The following FLRT2 variants were observed in gnomAD, a reference collection of about 807,000 sequenced individuals.
FLRT2 encodes fibronectin leucine rich transmembrane protein 2.
In FLRT2, 15 loss-of-function variants were observed where a neutral mutation model predicts 40.0. That is an observed-to-expected ratio of 0.38 (90% confidence interval 0.25 to 0.58). The LOEUF (loss-of-function observed/expected upper bound fraction) is 0.58, where lower values mean the gene tolerates loss of function less well. Among genes scored for constraint, FLRT2 ranks in the 20% least tolerant of loss-of-function variants. The pLI is 0.71. For missense variants in FLRT2, 726 were observed against 840.0 expected (o/e 0.86, Z 1.68); for synonymous variants, 380 against 336.8 (o/e 1.13, Z -1.41).
intron 1 of FLRT2, among the ~76,000 whole-genome samples, chr14:85,606,102 A>AT (rs1892599589): frequency 6.6e-6 from 1 of 152,190 alleles, no homozygotes; most frequent in Admixed American, 6.5e-5. Context: ...AATATTGCCC[A>AT]ACCAAATATT....
At chr14:85,590,131 A>G (rs886105973) in intron 1 of FLRT2, among the ~76,000 whole-genome samples, 2 of 151,446 alleles carry the variant, frequency 1.3e-5, no homozygotes, top group East Asian at 1.9e-4. Context: ...GCTGTGCATC[A>G]TATGGGATTT....
At chr14:85,546,495 G>A (rs952114535) in intron 1 of FLRT2, among the ~76,000 whole-genome samples, 1 of 152,130 alleles carries the variant, frequency 6.6e-6, no homozygotes, top group African/African-American at 2.4e-5. Flanking sequence ...TAGGTGAATG[G>A]CTCCACAGGC....
At chr14:85,530,773 G>T (rs1436020943) in intron 1 of FLRT2, among the ~76,000 whole-genome samples, 1 of 152,078 alleles carries the variant, frequency 6.6e-6, no homozygotes, top group African/African-American at 2.4e-5. Context: ...GGAGCATCAT[G>T]ACTGAGTTCT....
intron 1 of FLRT2, among the ~76,000 whole-genome samples, chr14:85,567,948 T>C (rs1427214965): frequency 6.6e-6 from 1 of 152,024 alleles, no homozygotes; most frequent in Non-Finnish European, 1.5e-5. Context: ...TGATTTTTAT[T>C]TTTTTCTATA....
chr14:85,623,278 T>C lies in FLRT2; in HGVS notation c.1764T>C (p.Tyr588=), dbSNP rs758136798. Residue 588 remains tyrosine, a synonymous_variant, in exon 2 of 2, where the codon TAT becomes TAC. Coordinates refer to ENST00000330753, the MANE Select transcript of FLRT2 (RefSeq NM_013231.6). Reference sequence around the variant, plus strand: ...ACCGGGGCCGGCGGAAAGATGATTATTGCGAGGCAGGCACCAAGAAGGACA... The same window carrying C: ...ACCGGGGCCGGCGGAAAGATGATTACTGCGAGGCAGGCACCAAGAAGGACA... The part of the protein sequence containing the change: ...KYNRGRRKDD[Y]CEAGTKKDNS... 4.6e-6 allele frequency: 7 copies of C among 1,517,004 alleles called. No homozygotes were observed. In the Admixed American group the frequency reaches 9.1e-5, roughly 20 times the overall value. The allele number at this position is 1,517,004 out of a possible 1,614,324, so 94.0% of individuals were successfully genotyped here. A position where few individuals can be genotyped will look rare whatever the true frequency, so the allele number is the denominator to read the frequency against.
chr14:85,550,241 G>A (rs1051706130), intron 1 of FLRT2, among the ~76,000 whole-genome samples: 6 of 152,108 alleles, frequency 3.9e-5, no homozygotes, highest in Admixed American at 6.5e-5. Context: ...AGCCACATTC[G>A]TAATATATTC....
chr14:85,541,287 C>G (rs1478095713), intron 1 of FLRT2, among the ~76,000 whole-genome samples: 1 of 152,178 alleles, frequency 6.6e-6, no homozygotes, highest in Non-Finnish European at 1.5e-5. Context: ...ATTTTTAGCA[C>G]TATCCATGAA....
chr14:85,650,542 T>C lies in FLRT2; in HGVS notation c.*27045T>C, dbSNP rs546099031. On this transcript the variant is annotated 3_prime_UTR_variant, in exon 2 of 2. Transcript: ENST00000330753. ...AATTTTCATTTTTAACTTTACTAAA[T>C]ACTGTAAAATTGTTCTCTGTGTGCC... 5 of 152,004 alleles carry C rather than the reference T, an allele frequency of 3.3e-5. No individual in the cohort carries two copies. The highest frequency in any genetic ancestry group is 5.9e-5 in the Non-Finnish European group (4 of 67,950). The allele number at this position is 152,004 out of a possible 1,614,324, so 9.4% of individuals were successfully genotyped here.
At chr14:85,564,387 A>G (rs1401690800) in intron 1 of FLRT2, among the ~76,000 whole-genome samples, 2 of 152,208 alleles carry the variant, frequency 1.3e-5, no homozygotes, top group Non-Finnish European at 1.5e-5. Context: ...AGTACAAATG[A>G]ATCGTCTTAG....
rs1893823119 is a variant in FLRT2, at chr14:85,629,928, G to T, written c.*6431G>T. 1 of 152,116 alleles carries T rather than the reference G, an allele frequency of 6.6e-6. No homozygotes were observed. The highest frequency in any genetic ancestry group is 2.1e-4 in the South Asian group (1 of 4,828). The allele number at this position is 152,116 out of a possible 1,614,324, so 9.4% of individuals were successfully genotyped here. On this transcript the variant is annotated 3_prime_UTR_variant, in exon 2 of 2. Transcript: ENST00000330753. ...TTATCTGATTTGAAGGTTTCAGATGGAATCAAGATATGTCTGTACCCATAG... is the reference window on the plus strand; with the variant it reads ...TTATCTGATTTGAAGGTTTCAGATGTAATCAAGATATGTCTGTACCCATAG...
chr14:85,565,557 T>G (rs956080061), intron 1 of FLRT2, among the ~76,000 whole-genome samples: 3 of 152,220 alleles, frequency 2.0e-5, no homozygotes, highest in Non-Finnish European at 4.4e-5. Context: ...AAATTTTTTT[T>G]ATTTATTTAA....
At chr14:85,568,568 A>G (rs1012787715) in intron 1 of FLRT2, among the ~76,000 whole-genome samples, 5 of 152,092 alleles carry the variant, frequency 3.3e-5, no homozygotes, top group Admixed American at 1.3e-4. Context: ...ATTGCACAAG[A>G]GGTGGTGTTT....
chr14:85,599,401 A>T (rs1339122999), intron 1 of FLRT2, among the ~76,000 whole-genome samples: 1 of 152,064 alleles, frequency 6.6e-6, no homozygotes, highest in Non-Finnish European at 1.5e-5. Flanking sequence ...CAAAGATACA[A>T]CATATTTCTC....
At chr14:85,582,091 A>T (rs1205498405) in intron 1 of FLRT2, among the ~76,000 whole-genome samples, 1 of 152,184 alleles carries the variant, frequency 6.6e-6, no homozygotes, top group Non-Finnish European at 1.5e-5. Context: ...ACCACTCTAC[A>T]ATCTGTGTGA....
At chr14:85,548,603 G>T (rs1595002088) in intron 1 of FLRT2, among the ~76,000 whole-genome samples, 1 of 152,196 alleles carries the variant, frequency 6.6e-6, no homozygotes, top group Non-Finnish European at 1.5e-5. Context: ...CCATAGACTA[G>T]CTTGCTGGAA....
rs184762274 is a variant in FLRT2, at chr14:85,537,473, C to T, written c.-377+6939C>T. ...AGACAACTTTCTTACTTTTTCTACT[C>T]TCCAAATTGCTTTTGTGCAATTATA... On this transcript the variant is annotated intron_variant, in intron 1 of 1. Coordinates refer to ENST00000330753, the MANE Select transcript of FLRT2 (RefSeq NM_013231.6). 1.5e-4 allele frequency among the ~76,000 whole-genome samples: 23 copies of T among 152,228 alleles called. No homozygotes were observed. The East Asian group carries it at 4.4e-3, about 29-fold the overall frequency.
chr14:85,622,867 A>C lies in FLRT2; in HGVS notation c.1353A>C (p.Lys451Asn), dbSNP rs1893475282. The change falls in exon 2 of 2, where the codon AAA (lysine) becomes AAC (asparagine). Residue 451 changes from lysine to asparagine, a missense_variant. Physicochemically the swap from Lys to Asn is moderately conservative, Grantham distance 94 (BLOSUM62 0). Around this residue, in one of 3 missense-constraint regions of FLRT2, gnomAD observed 611 missense variants for 690.0 expected, o/e 0.89. Transcript: ENST00000330753. ...CTCTCTTCACCGTGATGGCATACAA[A>C]CTCACATGGGTGAAAATGGGCCACA... ...WLSLFTVMAY[K>N]LTWVKMGHSL... is the part of the protein sequence containing the mutation. 6.2e-7 allele frequency: 1 copy of C among 1,613,954 alleles called. No homozygotes were observed. The highest frequency in any genetic ancestry group is 1.3e-5 in the African/African-American group (1 of 74,886).
In FLRT2 at chr14:85,623,293, C is replaced by G. The variant is rs1029697500; in HGVS notation, c.1779C>G (p.Thr593=). ...AAGATGATTATTGCGAGGCAGGCACCAAGAAGGACAACTCCATCCTGGAGA... is the reference window on the plus strand; with the variant it reads ...AAGATGATTATTGCGAGGCAGGCACGAAGAAGGACAACTCCATCCTGGAGA... ...RRKDDYCEAG[T]KKDNSILEMT... The change falls in exon 2 of 2, where the codon ACC becomes ACG. Residue 593 remains threonine, a synonymous_variant. Coordinates refer to ENST00000330753, the MANE Select transcript of FLRT2 (RefSeq NM_013231.6). 4 of 1,517,062 alleles carry G rather than the reference C, an allele frequency of 2.6e-6. No homozygotes were observed. The highest frequency in any genetic ancestry group is 2.3e-5 in the East Asian group (1 of 43,918). The allele number at this position is 1,517,062 out of a possible 1,614,324, so 94.0% of individuals were successfully genotyped here.
intron 1 of FLRT2, among the ~76,000 whole-genome samples, chr14:85,542,458 T>C (rs999474147): frequency 6.6e-6 from 1 of 152,134 alleles, no homozygotes; most frequent in Non-Finnish European, 1.5e-5. Context: ...AGGAAACACA[T>C]AGGCTTTTTC....
Sources: gnomAD v4.1 joint callset for allele counts (sites outside exome capture counted in the v4.1 genomes callset) on GRCh38, gnomAD v4.1.1 for gene constraint, gnomAD v4.1.1 regional missense constraint, MANE v1.5 for transcripts, NCBI Gene and HGNC (gene_info 2026-07-23, HGNC 2026-07-21) for gene names.